Variants in MFSD11 observed in about 807,000 individuals in gnomAD.
MFSD11 encodes the protein UNC93-like protein MFSD11.
Under a neutral mutation model 53.5 loss-of-function variants are expected in MFSD11, and 36 were observed. The observed-to-expected ratio is 0.67, with a 90% confidence interval of 0.52 to 0.89. The LOEUF (loss-of-function observed/expected upper bound fraction) is 0.89, where lower values mean the gene tolerates loss of function less well. Ranked by LOEUF, MFSD11 falls within the 40% of genes least tolerant of loss-of-function variation. The pLI, the probability that MFSD11 is intolerant of heterozygous loss-of-function variation, is 0.00. For missense variants in MFSD11, 530 were observed against 543.9 expected (o/e 0.97, Z 0.25); for synonymous variants, 186 against 184.9 (o/e 1.01, Z -0.05).
Position 76,776,268 on chromosome 17 carries a change from C to T in MFSD11, c.1050-138C>T, listed in dbSNP as rs114847678. ...TGCTGGGATTCCAGGTGTGAGCCAC[C>T]GCACCAGCTTTGTCTTTATTTTTGT... On this transcript the variant is annotated intron_variant, in intron 11 of 12. Coordinates refer to ENST00000685175, the MANE Select transcript of MFSD11 (RefSeq NM_001242532.5). The surrounding 1 kb of genome is among the most constrained non-coding windows in gnomAD (Gnocchi z 4.2). 1.4e-3 allele frequency: 1,221 copies of T among 871,312 alleles called. 8 individuals are homozygous for T. The African/African-American group carries it at 0.018, about 13-fold the overall frequency. The allele number at this position is 871,312 out of a possible 1,614,324, so 54.0% of individuals were successfully genotyped here. A position where few individuals can be genotyped will look rare whatever the true frequency, so the allele number is the denominator to read the frequency against.
the MFSD11 span, among the ~76,000 whole-genome samples, chr17:76,803,478 T>C: frequency 1.3e-5 from 2 of 152,218 alleles, no homozygotes; most frequent in African/African-American, 4.8e-5. Flanking sequence ...GTCATGCAGC[T>C]GGAGGATACA....
At chr17:76,794,641 C>CAAAAAA in the MFSD11 span, among the ~76,000 whole-genome samples, 1 of 65,434 alleles carries the variant, frequency 1.5e-5, no homozygotes, top group African/African-American at 7.1e-5. Flanking sequence ...AACTCTGTCT[C>CAAAAAA]AAAAAAAAAA....
intron 5 of MFSD11, among the ~76,000 whole-genome samples, chr17:76,742,501 CTT>C (rs780975145): frequency 6.9e-5 from 10 of 143,998 alleles, no homozygotes; most frequent in Admixed American, 7.0e-5. Flanking sequence ...AGCATACTAA[CTT>C]TTTTTTTTTT....
chr17:76,788,708 C>T, the MFSD11 span, among the ~76,000 whole-genome samples: 12 of 146,222 alleles, frequency 8.2e-5, no homozygotes, highest in African/African-American at 3.0e-4. Flanking sequence ...AAAAAATTAG[C>T]CAGGCTTGGT....
At chr17:76,766,418 CAAA>C (rs1178883099) in intron 8 of MFSD11, among the ~76,000 whole-genome samples, 4 of 58,476 alleles carry the variant, frequency 6.8e-5, no homozygotes, top group Admixed American at 1.9e-4. Flanking sequence ...GACTCTGTCT[CAAA>C]AAAAAAAAAA....
chr17:76,778,430 A>T lies in MFSD11; in HGVS notation c.*78A>T. The T allele has an allele frequency of 7.2e-7, 1 of 1,396,524 alleles. No homozygotes were observed. Among genetic ancestry groups the T allele is most frequent in the Non-Finnish European group, 1.0e-6 (1 of 995,976 alleles). The allele number at this position is 1,396,524 out of a possible 1,614,324, so 86.5% of individuals were successfully genotyped here. ...AGCTTGGTGGAAGAAGTCGCCTTTGATCTTCACTATATATTGGGTGATGTT... is the reference window on the plus strand; with the variant it reads ...AGCTTGGTGGAAGAAGTCGCCTTTGTTCTTCACTATATATTGGGTGATGTT... On this transcript the variant is annotated 3_prime_UTR_variant, in exon 13 of 13. Coordinates refer to ENST00000685175, the MANE Select transcript of MFSD11 (RefSeq NM_001242532.5).
At chr17:76,795,747 G>A in the MFSD11 span, among the ~76,000 whole-genome samples, 3 of 151,894 alleles carry the variant, frequency 2.0e-5, no homozygotes, top group Non-Finnish European at 4.4e-5. Context: ...TCCACCTCCC[G>A]GGTTTACACC....
chr17:76,801,445 A>AT, the MFSD11 span, among the ~76,000 whole-genome samples: 23 of 106,922 alleles, frequency 2.2e-4, no homozygotes, highest in South Asian at 1.1e-3. Context: ...GCAGAGCAGC[A>AT]TTTTTTTTTT....
At chr17:76,764,678 ATAAT>A (rs1318233230) in intron 8 of MFSD11, among the ~76,000 whole-genome samples, 1 of 150,824 alleles carries the variant, frequency 6.6e-6, no homozygotes, top group Non-Finnish European at 1.5e-5. Flanking sequence ...TCTTTGCTAT[ATAAT>A]TAATACACAC....
rs1035459062 is a variant in MFSD11, at chr17:76,754,161, G to C, written c.682+74G>C. 45 of 1,286,158 alleles carry C rather than the reference G, an allele frequency of 3.5e-5. No individual in the cohort carries two copies. The South Asian group carries it at 5.5e-4, about 16-fold the overall frequency. The allele number at this position is 1,286,158 out of a possible 1,614,324, so 79.7% of individuals were successfully genotyped here. On this transcript the variant is annotated intron_variant, in intron 8 of 12. Coordinates refer to ENST00000685175, the MANE Select transcript of MFSD11 (RefSeq NM_001242532.5). ...GGCATTTGCCTTTCCCCTATTCCCT[G>C]GTAACTTTGGATTGATGACACCCCA...
intron 2 of MFSD11, among the ~76,000 whole-genome samples, chr17:76,739,513 T>A (rs930751906): frequency 1.3e-5 from 2 of 152,246 alleles, no homozygotes; most frequent in Non-Finnish European, 2.9e-5. Flanking sequence ...ACCTTGTGAT[T>A]GGACCTGAGA....
At position 76,776,843 on chromosome 17, in the gene MFSD11, G is replaced by A. The variant is rs987290798; in HGVS notation, c.1185+302G>A. 6.6e-6 allele frequency among the ~76,000 whole-genome samples: 1 copy of A among 151,874 alleles called. No individual in the cohort carries two copies. The highest frequency in any genetic ancestry group is 2.4e-5 in the African/African-American group (1 of 41,364). On this transcript the variant is annotated intron_variant, in intron 12 of 12. Transcript: ENST00000685175. This position sits in a 1 kb window ranked among gnomAD's most constrained non-coding sequence, Gnocchi z 4.2. ...TTTTTTTTCTTTTTAGCAGAGGCAG[G>A]GTTTCACCACGTTGGTTAGGCTGGT...
chr17:76,737,922 A>G (rs544488545), upstream of MFSD11: 49 of 193,870 alleles, frequency 2.5e-4, no homozygotes, highest in Admixed American at 1.2e-3. Context: ...GTGCCAGGCC[A>G]CCCGGGACTA....
rs1294038524 is a variant in MFSD11 at position 76,777,569 on chromosome 17, T to A, written c.1186-619T>A. The stretch of plus-strand genomic sequence containing the variant: ...TCTTATTTTATTTTATTTTTTTGTT[T>A]CCTCTTTTTTTTTCCTTTTTTTGCT... On this transcript the variant is annotated intron_variant, in intron 12 of 12. Coordinates refer to ENST00000685175, the MANE Select transcript of MFSD11 (RefSeq NM_001242532.5). Among the ~76,000 whole-genome samples, 10 of 151,406 alleles carry A rather than the reference T, an allele frequency of 6.6e-5. No individual in the cohort carries two copies. The East Asian group carries it at 1.9e-3, about 29-fold the overall frequency.
At chr17:76,799,000 C>T in the MFSD11 span, 3 of 139,898 alleles carry the variant, frequency 2.1e-5, no homozygotes, top group Admixed American at 7.6e-5. Flanking sequence ...GTACTCCAGC[C>T]TAGGCAACAA....
At chr17:76,769,910 G>A in intron 10 of MFSD11, 39 bp downstream of exon 10, 2 of 1,568,360 alleles carry the variant, frequency 1.3e-6, no homozygotes, top group Non-Finnish European at 1.7e-6. Context: ...AAAAATATCA[G>A]TTTATTATAG....
At chr17:76,800,868 G>A in the MFSD11 span, among the ~76,000 whole-genome samples, 1 of 152,098 alleles carries the variant, frequency 6.6e-6, no homozygotes, top group Non-Finnish European at 1.5e-5. Context: ...CCTGAGGTCA[G>A]GAGTTCAAGA....
intron 10 of MFSD11, among the ~76,000 whole-genome samples, chr17:76,772,251 T>C (rs2081429410): frequency 6.6e-6 from 1 of 151,666 alleles, no homozygotes; most frequent in African/African-American, 2.4e-5. Context: ...CAAAACCCCA[T>C]CTCTACAAAA....
chr17:76,741,919 T>C, intron 3 of MFSD11, 50 bp from the exon 4 acceptor site: 1 of 1,613,106 alleles, frequency 6.2e-7, no homozygotes, highest in Non-Finnish European at 8.5e-7. Context: ...TAATTGGCAT[T>C]CTATTTCAGG....
Sources: gnomAD v4.1 joint callset for allele counts (sites outside exome capture counted in the v4.1 genomes callset) on GRCh38, gnomAD v4.1.1 for gene constraint, Gnocchi (gnomAD v3.1) non-coding constraint, MANE v1.5 for transcripts, NCBI Gene and HGNC (gene_info 2026-07-23, HGNC 2026-07-21) for gene names.